Variants in CHD6 observed in about 807,000 individuals in gnomAD.
CHD6 encodes chromodomain helicase DNA binding protein 6, also known as ATP-dependent chromatin remodeler CHD6.
In CHD6, 50 loss-of-function variants were observed where a neutral mutation model predicts 276.9. The ratio of observed to expected loss-of-function variants is 0.18; its 90% CI spans 0.14 to 0.23. The LOEUF (loss-of-function observed/expected upper bound fraction) is 0.23, where lower values mean the gene tolerates loss of function less well. CHD6 is among the 10% of genes least tolerant of loss of function. The pLI, the probability that CHD6 is intolerant of heterozygous loss-of-function variation, is 1.00. For synonymous variants in CHD6, 1,173 were observed against 1,229.3 expected (o/e 0.95, Z 0.96); for missense variants, 2,564 against 3,365.8 (o/e 0.76, Z 5.89).
At chr20:41,494,043 T>C in intron 8 of CHD6, 99 bp from the exon 9 acceptor site, 1 of 752,268 alleles carries the variant, frequency 1.3e-6, no homozygotes, top group Non-Finnish European at 2.2e-6. Flanking sequence ...CTAGGCCCTA[T>C]CAACAAACAC....
intron 5 of CHD6, among the ~76,000 whole-genome samples, chr20:41,500,456 A>G (rs1601018006): frequency 1.3e-5 from 2 of 152,322 alleles, no homozygotes. Context: ...AAGGTTACAA[A>G]TATTTACTAA....
chr20:41,521,602 C>G (rs571375023), intron 3 of CHD6, among the ~76,000 whole-genome samples: 1 of 151,820 alleles, frequency 6.6e-6, no homozygotes, highest in African/African-American at 2.4e-5. Flanking sequence ...TTCATATGTG[C>G]GCGTTTGTAT....
chr20:41,457,827 C>A (rs1251802612), intron 17 of CHD6, among the ~76,000 whole-genome samples: 1 of 152,156 alleles, frequency 6.6e-6, no homozygotes, highest in South Asian at 2.1e-4. Context: ...CTGAAATTTT[C>A]AAACATAGAT....
At chr20:41,582,909 A>G (rs1044918514) in intron 1 of CHD6, among the ~76,000 whole-genome samples, 3 of 152,216 alleles carry the variant, frequency 2.0e-5, no homozygotes, top group African/African-American at 7.2e-5. Flanking sequence ...ACTTGAAGAT[A>G]GGTCACTAGA....
chr20:41,578,158 C>A (rs1005274392), intron 1 of CHD6, among the ~76,000 whole-genome samples: 2 of 151,986 alleles, frequency 1.3e-5, no homozygotes, highest in Non-Finnish European at 2.9e-5. Flanking sequence ...AAGGAGCAAG[C>A]CCCCCACGCC....
chr20:41,431,270 T>C (rs779938103), intron 27 of CHD6, among the ~76,000 whole-genome samples: 85 of 152,350 alleles, frequency 5.6e-4, no homozygotes, highest in Middle Eastern at 3.4e-3. Flanking sequence ...TGAAAAATTA[T>C]TATTATCTAT....
intron 27 of CHD6, among the ~76,000 whole-genome samples, chr20:41,427,057 C>T (rs907675794): frequency 1.3e-5 from 2 of 151,984 alleles, no homozygotes; most frequent in African/African-American, 4.8e-5. Flanking sequence ...CTGTGTGGCC[C>T]TCAAGCTAAG....
Position 41,530,435 on chromosome 20 carries a change from A to C in CHD6, c.554+2615T>G, listed in dbSNP as rs111696855. Among the ~76,000 whole-genome samples the C allele has an allele frequency of 6.6e-5, 10 of 152,314 alleles. 1 individual carries two copies. Among genetic ancestry groups the C allele is most frequent in the African/African-American group, 2.4e-4 (10 of 41,578 alleles). ...ATTAAGTGAGTCATTTATAACCATCAAGTATTACCAGGGTCTAATCGATAC... is the reference window on the plus strand; with the variant it reads ...ATTAAGTGAGTCATTTATAACCATCCAGTATTACCAGGGTCTAATCGATAC... On this transcript the variant is annotated intron_variant, in intron 3 of 36. Coordinates refer to ENST00000373233, the MANE Select transcript of CHD6 (RefSeq NM_032221.5).
At chr20:41,609,797 G>A (rs2045866388) in intron 1 of CHD6, among the ~76,000 whole-genome samples, 2 of 150,128 alleles carry the variant, frequency 1.3e-5, no homozygotes, top group Admixed American at 6.6e-5. Flanking sequence ...CGACTGGACA[G>A]TATTTTTAAA....
At chr20:41,480,232 CTG>C (rs2043263971) in intron 16 of CHD6, among the ~76,000 whole-genome samples, 1 of 152,144 alleles carries the variant, frequency 6.6e-6, no homozygotes, top group African/African-American at 2.4e-5. Context: ...CAGCTGACAA[CTG>C]TGTACTCTGT....
intron 1 of CHD6, among the ~76,000 whole-genome samples, chr20:41,609,855 C>CTTTTTTTTTTTTTTTTTTTTTTTTTT (rs369159347): frequency 7.8e-6 from 1 of 128,226 alleles, no homozygotes; most frequent in Non-Finnish European, 1.7e-5. Flanking sequence ...TTTCTTTTTT[C>CTTTTTTTTTTTTTTTTTTTTTTTTTT]TTTTTTTTTT....
chr20:41,524,241 T>C (rs2044472943), intron 3 of CHD6, among the ~76,000 whole-genome samples: 1 of 152,100 alleles, frequency 6.6e-6, no homozygotes, highest in Admixed American at 6.6e-5. Context: ...ATTAACTGAG[T>C]CTACATAGAA....
rs780966446 is a variant in CHD6, at chr20:41,404,646, C to T, written c.8095G>A (p.Gly2699Arg). The change falls in exon 37 of 37, where the codon GGG becomes AGG. Residue 2699 changes from glycine to arginine, a missense_variant. Gly to Arg is a moderately radical substitution (Grantham distance 125). Transcript: ENST00000373233. ...SAPLPAEREHGAQAGEGALKD... is the reference protein window; with the variant it reads ...SAPLPAEREHRAQAGEGALKD... ...AGTGCCCCCTCCCCAGCCTGTGCCC[C>T]ATGTTCTCTCTCTGCGGGCAAAGGG... The T allele has an allele frequency of 4.6e-6, 7 of 1,523,462 alleles. No homozygotes were observed. Among genetic ancestry groups the T allele is most frequent in the Non-Finnish European group, 4.4e-6 (5 of 1,135,738 alleles). The allele number at this position is 1,523,462 out of a possible 1,614,324, so 94.4% of individuals were successfully genotyped here.
At chr20:41,457,179 C>A (rs751383506) in intron 18 of CHD6, 85 bp downstream of exon 18, 13 of 1,492,064 alleles carry the variant, frequency 8.7e-6, no homozygotes, top group Non-Finnish European at 1.2e-5. Flanking sequence ...GAAAGTGAAC[C>A]CTTAAACAGC....
At chr20:41,477,897 A>G (rs2043202086) in intron 16 of CHD6, among the ~76,000 whole-genome samples, 1 of 152,218 alleles carries the variant, frequency 6.6e-6, no homozygotes, top group Non-Finnish European at 1.5e-5. Flanking sequence ...TGAAGAGGGT[A>G]AAATAAAAGA....
chr20:41,551,212 T>C (rs964595924), intron 2 of CHD6, 93 bp downstream of exon 2: 2 of 817,516 alleles, frequency 2.4e-6, no homozygotes, highest in Non-Finnish European at 4.2e-6. Flanking sequence ...TACCAGAGAT[T>C]AAGGGATAAG....
intron 25 of CHD6, among the ~76,000 whole-genome samples, chr20:41,444,111 C>T (rs1224924119): frequency 2.0e-5 from 3 of 152,180 alleles, no homozygotes; most frequent in Non-Finnish European, 4.4e-5. Flanking sequence ...AAACCAAATT[C>T]AGATGCTCTG....
chr20:41,516,745 G>C (rs551644329), intron 3 of CHD6, among the ~76,000 whole-genome samples: 2 of 152,258 alleles, frequency 1.3e-5, no homozygotes, highest in South Asian at 2.1e-4. Context: ...GGTGCACCAG[G>C]CCAGGAAGTT....
chr20:41,443,193 T>A (rs938612376), intron 25 of CHD6, among the ~76,000 whole-genome samples: 1 of 152,184 alleles, frequency 6.6e-6, no homozygotes, highest in Non-Finnish European at 1.5e-5. Context: ...AAACACAAAT[T>A]AATTTATACT....
Sources: allele counts gnomAD v4.1 joint callset (sites outside exome capture counted in the v4.1 genomes callset), GRCh38; gene constraint gnomAD v4.1.1; transcripts MANE v1.5; gene names NCBI Gene and HGNC (gene_info 2026-07-23, HGNC 2026-07-21).